CACNA1G: variants seen among roughly 807,000 people sequenced by gnomAD.
The protein encoded by CACNA1G is calcium voltage-gated channel subunit alpha1 G.
In CACNA1G, 67 loss-of-function variants were observed where a neutral mutation model predicts 219.4. The ratio of observed to expected loss-of-function variants is 0.31; its 90% CI spans 0.25 to 0.37. The LOEUF is 0.37. CACNA1G is among the 10% of genes least tolerant of loss of function. The pLI, the probability that CACNA1G is intolerant of heterozygous loss-of-function variation, is 1.00. For missense variants in CACNA1G, 2,380 were observed against 3,231.4 expected, an observed-to-expected ratio of 0.74 and a Z score of 6.39; for synonymous variants, 1,296 against 1,345.3, an observed-to-expected ratio of 0.96 and a Z score of 0.80.
intron 1 of CACNA1G, among the ~76,000 whole-genome samples, chr17:50,566,591 T>A (rs1323507068): frequency 6.6e-6 from 1 of 152,194 alleles, no homozygotes; most frequent in Non-Finnish European, 1.5e-5. Flanking sequence ...CTCTGTGAGG[T>A]CACTTCTGTA....
At chr17:50,590,359 C>T (rs1488015165) in intron 9 of CACNA1G, 112 bp from the exon 10 acceptor site, 13 of 1,226,696 alleles carry the variant, frequency 1.1e-5, no homozygotes, top group South Asian at 3.8e-5. Context: ...GCAACCCCTC[C>T]GCACAAGCTT....
chr17:50,614,012 G>A (rs921996541), intron 26 of CACNA1G, among the ~76,000 whole-genome samples: 2 of 152,260 alleles, frequency 1.3e-5, no homozygotes, highest in Non-Finnish European at 2.9e-5. Context: ...GAGTGCCGGG[G>A]ACTGTCTGCT....
chr17:50,584,653 G>A (rs1193558293), intron 9 of CACNA1G, among the ~76,000 whole-genome samples: 3 of 152,094 alleles, frequency 2.0e-5, no homozygotes, highest in African/African-American at 7.3e-5. Context: ...AAGAATCAAA[G>A]TGCAGGTGGA....
intron 37 of CACNA1G, among the ~76,000 whole-genome samples, chr17:50,625,039 G>A (rs978994103): frequency 7.4e-6 from 1 of 135,196 alleles, no homozygotes; most frequent in African/African-American, 2.8e-5. Context: ...CGCAACCTCC[G>A]CCTCCTGGGT....
At chr17:50,597,025 C>T (rs1418992567) in intron 16 of CACNA1G, 102 bp downstream of exon 16, 2 of 1,121,864 alleles carry the variant, frequency 1.8e-6, no homozygotes, top group Admixed American at 2.8e-5. Context: ...AGCCCCTGCC[C>T]CATGGGCTGG....
Position 50,603,053 on chromosome 17 carries a change from C to T in CACNA1G, c.4023C>T (p.Tyr1341=), listed in dbSNP as rs1463084840. ...ALGWCFGEQA[Y]LRSSWNVLDG... is the part of the protein sequence containing the mutation. ...GCTGGTGCTTCGGGGAGCAGGCGTA[C>T]CTGCGGAGCAGTTGGAACGTGCTGG... The change falls in exon 21 of 38, where the codon TAC becomes TAT. Residue 1341 remains tyrosine, a synonymous_variant. Coordinates refer to ENST00000359106, the MANE Select transcript of CACNA1G (RefSeq NM_018896.5). The surrounding 1 kb of genome is among the most constrained non-coding windows in gnomAD (Gnocchi z 6.4). The T allele has an allele frequency of 6.2e-7, 1 of 1,613,392 alleles. No homozygotes were observed. The highest frequency in any genetic ancestry group is 8.5e-7 in the Non-Finnish European group (1 of 1,179,622).
rs2050791691 is a variant in CACNA1G, at chr17:50,617,254, G to A, written c.5022-184G>A. ...CAGAGGCTTTTGAGCTAAAGTCCTA[G>A]TCCTACTCGTGCCACCAGTTGGCTG... On this transcript the variant is annotated intron_variant, in intron 28 of 37. Transcript: ENST00000359106. This position sits in a 1 kb window ranked among gnomAD's most constrained non-coding sequence, Gnocchi z 5.8. 6.6e-6 allele frequency among the ~76,000 whole-genome samples: 1 copy of A among 152,204 alleles called. No individual in the cohort carries two copies. Among genetic ancestry groups the A allele is most frequent in the Non-Finnish European group, 1.5e-5 (1 of 68,038 alleles).
At chr17:50,573,373 G>T (rs1480619379) in intron 7 of CACNA1G, 2 of 382,394 alleles carry the variant, frequency 5.2e-6, no homozygotes, top group East Asian at 8.5e-5. Flanking sequence ...CTGGGCCTCT[G>T]TTTCTTCATG....
At chr17:50,583,306 G>A (rs1442129606) in intron 9 of CACNA1G, among the ~76,000 whole-genome samples, 6 of 152,074 alleles carry the variant, frequency 3.9e-5, no homozygotes, top group Admixed American at 1.3e-4. Context: ...GAGGGAGAGG[G>A]GCATTGTTTT....
Position 50,624,438 on chromosome 17 carries a change from T to C in CACNA1G, c.6308T>C (p.Leu2103Pro), listed in dbSNP as rs901158413. 9.4e-6 allele frequency: 15 copies of C among 1,598,596 alleles called. No homozygotes were observed. Among genetic ancestry groups the C allele is most frequent in the Admixed American group, 8.6e-5 (5 of 58,436 alleles). Residue 2103 changes from leucine to proline, a missense_variant, in exon 37 of 38, where the codon CTC becomes CCC. Transcript: ENST00000359106. ...CTTCCCAAAGATGCACCTCATCTGC[T>C]CCAGCCCCACAGCGCCCCAACCTGG... ...LQLPKDAPHL[L>P]QPHSAPTWGT...
chr17:50,603,120 T>G lies in CACNA1G; in HGVS notation c.4090T>G (p.Ser1364Ala). The G allele has an allele frequency of 6.2e-7, 1 of 1,613,150 alleles. No individual in the cohort carries two copies. Among genetic ancestry groups the G allele is most frequent in the Non-Finnish European group, 8.5e-7 (1 of 1,179,762 alleles). Residue 1364 changes from serine to alanine, a missense_variant, in exon 21 of 38, where the codon TCC becomes GCC. Around this residue, in one of 17 missense-constraint regions of CACNA1G, gnomAD observed 153 missense variants for 374.9 expected, o/e 0.41. Coordinates refer to ENST00000359106, the MANE Select transcript of CACNA1G (RefSeq NM_018896.5). This position sits in a 1 kb window ranked among gnomAD's most constrained non-coding sequence, Gnocchi z 6.4. ...CATCTCCGTCATCGACATTCTGGTG[T>G]CCATGGTCTCTGACAGCGGCACCAA... is the stretch of plus-strand genomic sequence containing the variant. The part of the protein sequence containing the change: ...VLISVIDILV[S>A]MVSDSGTKIL...
chr17:50,624,324 T>TCCCCCCCCCCCCCCCCCCCGGGCCCCC, intron 36 of CACNA1G, 36 bp from the exon 37 acceptor site: 1 of 1,177,662 alleles, frequency 8.5e-7, no homozygotes, highest in Non-Finnish European at 1.2e-6. Flanking sequence ...CTCCATTCTC[T>TCCCCCCCCCCCCCCCCCCCGGGCCCCC]CCCCCCACCC....
chr17:50,563,709 G>A (rs1414706708), intron 1 of CACNA1G: 1 of 152,416 alleles, frequency 6.6e-6, no homozygotes, highest in Admixed American at 6.5e-5. Flanking sequence ...TGGGAGTTGG[G>A]GAGCAGCTTC....
chr17:50,623,256 C>T (rs1420354282), intron 35 of CACNA1G, among the ~76,000 whole-genome samples: 1 of 140,006 alleles, frequency 7.1e-6, no homozygotes, highest in Non-Finnish European at 1.5e-5. Context: ...GCCACCATAT[C>T]CAGCTAATTT....
At chr17:50,604,087 A>C in intron 21 of CACNA1G, 68 bp from the exon 22 acceptor site, 1 of 1,513,708 alleles carries the variant, frequency 6.6e-7, no homozygotes, top group African/African-American at 1.4e-5. Context: ...GGTGGGGAGC[A>C]GGGTCAAGGG....
rs955109549 is a variant in CACNA1G, at chr17:50,596,456, C to G, written c.2980-106C>G. The G allele has an allele frequency of 1.0e-5, 9 of 891,418 alleles. No individual in the cohort carries two copies. The Admixed American group carries it at 1.7e-4, about 17-fold the overall frequency. The allele number at this position is 891,418 out of a possible 1,614,324, so 55.2% of individuals were successfully genotyped here. A position where few individuals can be genotyped will look rare whatever the true frequency, so the allele number is the denominator to read the frequency against. On this transcript the variant is annotated intron_variant, in intron 14 of 37. Coordinates refer to ENST00000359106, the MANE Select transcript of CACNA1G (RefSeq NM_018896.5). The surrounding 1 kb of genome is among the most constrained non-coding windows in gnomAD (Gnocchi z 4.8). ...TGTCTCGTGCCGTGGTTGCTGGTTC[C>G]TGTGGCCTATATGTGGTGTGCGTGT...
At chr17:50,579,190 A>G (rs543905883) in intron 9 of CACNA1G, among the ~76,000 whole-genome samples, 5 of 152,248 alleles carry the variant, frequency 3.3e-5, no homozygotes, top group African/African-American at 1.2e-4. Flanking sequence ...TTGAGGAATG[A>G]TTCTAAGAAC....
chr17:50,578,444 C>T lies in CACNA1G; in HGVS notation c.2181C>T (p.Ala727=). ...ATGCAGAGCCCAGCTCTGTGCTGGC[C>T]TTCTGGAGGCTAATCTGTGACACCT... The part of the protein sequence containing the change: ...GPDAEPSSVL[A]FWRLICDTFR... Residue 727 remains alanine (A), a synonymous_variant, in exon 9 of 38, where the codon GCC becomes GCT. Coordinates refer to ENST00000359106, the MANE Select transcript of CACNA1G (RefSeq NM_018896.5). The surrounding 1 kb of genome is among the most constrained non-coding windows in gnomAD (Gnocchi z 4.5). The T allele has an allele frequency of 6.2e-7, 1 of 1,602,812 alleles. No individual in the cohort carries two copies. The highest frequency in any genetic ancestry group is 8.5e-7 in the Non-Finnish European group (1 of 1,173,298).
intron 4 of CACNA1G, among the ~76,000 whole-genome samples, chr17:50,570,285 C>T (rs1245267821): frequency 1.3e-5 from 2 of 152,332 alleles, no homozygotes; most frequent in African/African-American, 2.4e-5. Context: ...CTTCCTCCTT[C>T]CCGCCCCCTT....
Sources: gnomAD v4.1 joint callset for allele counts (sites outside exome capture counted in the v4.1 genomes callset) on GRCh38, gnomAD v4.1.1 for gene constraint, gnomAD v4.1.1 regional missense constraint, Gnocchi (gnomAD v3.1) non-coding constraint, MANE v1.5 for transcripts, NCBI Gene and HGNC (gene_info 2026-07-23, HGNC 2026-07-21) for gene names.